The following GPC5 variants were observed in gnomAD, a reference collection of about 807,000 sequenced individuals.
The protein encoded by GPC5 is glypican-5.
A neutral mutation model predicts 53.9 loss-of-function variants in GPC5; 47 were observed. The observed-to-expected ratio is 0.87, with a 90% confidence interval of 0.69 to 1.11. The LOEUF (loss-of-function observed/expected upper bound fraction) is 1.11. Among genes scored for constraint, GPC5 ranks in the 50% most tolerant of loss-of-function variants. The probability of loss-of-function intolerance (pLI) is 0.00; values close to 1 mark genes in which losing one functional copy is unlikely to be tolerated. For synonymous variants in GPC5, 286 were observed against 263.3 expected (o/e 1.09, Z -0.84); for missense variants, 748 against 713.1 (o/e 1.05, Z -0.56).
intron 2 of GPC5, among the ~76,000 whole-genome samples, chr13:91,528,756 C>T (rs1375232635): frequency 6.6e-6 from 1 of 152,170 alleles, no homozygotes; most frequent in Non-Finnish European, 1.5e-5. Flanking sequence ...CACAGTTCCA[C>T]ATGGCTTGGG....
At chr13:92,450,115 T>G (rs1462703120) in intron 7 of GPC5, among the ~76,000 whole-genome samples, 1 of 152,162 alleles carries the variant, frequency 6.6e-6, no homozygotes, top group Admixed American at 6.6e-5. Context: ...TTCCCTTTTT[T>G]TGCATTTACA....
chr13:92,422,629 T>C (rs960996723), intron 7 of GPC5, among the ~76,000 whole-genome samples: 2 of 152,150 alleles, frequency 1.3e-5, no homozygotes, highest in African/African-American at 4.8e-5. Flanking sequence ...TTCAACTGTC[T>C]TCTTCCCATA....
intron 5 of GPC5, among the ~76,000 whole-genome samples, chr13:91,827,119 G>C (rs1336228723): frequency 6.6e-6 from 1 of 151,834 alleles, no homozygotes; most frequent in Non-Finnish European, 1.5e-5. Context: ...GCTTGTGGTG[G>C]AAGATATCCC....
At chr13:92,794,616 G>T (rs563909049) in intron 7 of GPC5, among the ~76,000 whole-genome samples, 76 of 151,994 alleles carry the variant, frequency 5.0e-4, no homozygotes, top group African/African-American at 1.7e-3. Context: ...AGATGACAAG[G>T]CTGTGTATTT....
chr13:91,896,094 C>T (rs151280007), intron 5 of GPC5, among the ~76,000 whole-genome samples: 3,504 of 151,230 alleles, frequency 0.023, 54 homozygotes, highest in Middle Eastern at 0.041. Flanking sequence ...CTTGGATAAT[C>T]CCCCCATTTA....
intron 7 of GPC5, among the ~76,000 whole-genome samples, chr13:92,172,725 C>T (rs895926852): frequency 2.0e-5 from 3 of 151,958 alleles, no homozygotes. Flanking sequence ...AAGAGATACT[C>T]TCCTATATGT....
intron 5 of GPC5, among the ~76,000 whole-genome samples, chr13:91,847,182 G>A (rs555162109): frequency 6.0e-4 from 83 of 137,838 alleles, no homozygotes; most frequent in African/African-American, 2.2e-3. Context: ...TGGCGCCACT[G>A]CACTCCAAGC....
rs1360974404 is a variant in GPC5, at chr13:92,347,881, A to G, written c.1561+202892A>G. On this transcript the variant is annotated intron_variant, in intron 7 of 7. Transcript: ENST00000377067. ...TATATATATTATATATATAATATAT[A>G]TTATATATATTATATATATAATATA... Among the ~76,000 whole-genome samples, 4 of 2,328 alleles carry G rather than the reference A, an allele frequency of 1.7e-3. 1 individual carries two copies. Among genetic ancestry groups the G allele is most frequent in the African/African-American group, 5.2e-3 (4 of 762 alleles). The allele number at this position is 2,328 out of a possible 152,430, so 1.5% of individuals were successfully genotyped here.
chr13:91,881,560 C>A (rs1484720593), intron 5 of GPC5, among the ~76,000 whole-genome samples: 1 of 152,070 alleles, frequency 6.6e-6, no homozygotes, highest in Non-Finnish European at 1.5e-5. Context: ...CTTCTTTTTT[C>A]TGAATGTGCA....
chr13:92,489,744 GAC>G lies in GPC5; in HGVS notation c.1561+344761_1561+344762del, dbSNP rs143374549. 4.6e-3 allele frequency among the ~76,000 whole-genome samples: 698 copies of G among 152,014 alleles called. 3 individuals are homozygous for G. Among genetic ancestry groups the G allele is most frequent in the Admixed American group, 7.1e-3 (108 of 15,254 alleles). Reference sequence around the variant, plus strand: ...ATCACCACGTTCTTTTGTTTGTCTAGACACACAAAATATCTACAGTAGTTGGA... The same window carrying G: ...ATCACCACGTTCTTTTGTTTGTCTAGACACAAAATATCTACAGTAGTTGGA... On this transcript the variant is annotated intron_variant, in intron 7 of 7. Transcript: ENST00000377067.
chr13:92,284,446 A>G (rs1046854504), intron 7 of GPC5, among the ~76,000 whole-genome samples: 1 of 152,152 alleles, frequency 6.6e-6, no homozygotes, highest in African/African-American at 2.4e-5. Flanking sequence ...AAAAAAAGAG[A>G]ATTTTAGACC....
chr13:91,958,057 A>G (rs11486326), intron 6 of GPC5, among the ~76,000 whole-genome samples: 3,352 of 152,084 alleles, frequency 0.022, 121 homozygotes, highest in African/African-American at 0.075. Flanking sequence ...AACATATTGA[A>G]CTGCCCACTT....
intron 7 of GPC5, among the ~76,000 whole-genome samples, chr13:92,205,399 G>A (rs189960426): frequency 6.6e-6 from 1 of 152,202 alleles, no homozygotes; most frequent in African/African-American, 2.4e-5. Context: ...ATGTCACATG[G>A]GCTGAGGGGC....
rs112400635 is a variant in GPC5 at position 92,494,140 on chromosome 13, A to G, written c.1561+349151A>G. Among the ~76,000 whole-genome samples, 316 of 151,662 alleles carry G rather than the reference A, an allele frequency of 2.1e-3. 2 individuals carry two copies. The highest frequency in any genetic ancestry group is 7.5e-3 in the African/African-American group (310 of 41,226). ...AGTCTCGCTCTGTCGCCCAGGCTGG[A>G]GTGCAGTGGCGCGATCTCGGCTCAC... is the stretch of plus-strand genomic sequence containing the variant. On this transcript the variant is annotated intron_variant, in intron 7 of 7. Transcript: ENST00000377067.
At chr13:92,559,052 C>A (rs1882601966) in intron 7 of GPC5, among the ~76,000 whole-genome samples, 1 of 151,922 alleles carries the variant, frequency 6.6e-6, no homozygotes, top group African/African-American at 2.4e-5. Flanking sequence ...CCTCCTCTTT[C>A]AAATCCTGCT....
At chr13:92,004,751 G>A (rs887259628) in intron 6 of GPC5, among the ~76,000 whole-genome samples, 6 of 151,852 alleles carry the variant, frequency 4.0e-5, no homozygotes, top group East Asian at 3.9e-4. Context: ...CACATCTTAC[G>A]TGGTGGCAGG....
At chr13:91,866,416 C>A (rs568543294) in intron 5 of GPC5, among the ~76,000 whole-genome samples, 1 of 152,090 alleles carries the variant, frequency 6.6e-6, no homozygotes, top group African/African-American at 2.4e-5. Context: ...GTTTTTTTCC[C>A]AAAGGTGGAT....
At chr13:92,338,254 C>A (rs57996016) in intron 7 of GPC5, among the ~76,000 whole-genome samples, 1 of 152,000 alleles carries the variant, frequency 6.6e-6, no homozygotes, top group Non-Finnish European at 1.5e-5. Flanking sequence ...CCAATATATA[C>A]GTATTAGAAT....
intron 7 of GPC5, among the ~76,000 whole-genome samples, chr13:92,261,554 T>C (rs1270914250): frequency 1.3e-5 from 2 of 152,046 alleles, no homozygotes; most frequent in East Asian, 1.9e-4. Flanking sequence ...TAAATAAGGA[T>C]TTAGAAATTG....
Sources: allele counts gnomAD v4.1 joint callset (sites outside exome capture counted in the v4.1 genomes callset), GRCh38; gene constraint gnomAD v4.1.1; transcripts MANE v1.5; gene names NCBI Gene and HGNC (gene_info 2026-07-23, HGNC 2026-07-21).